Variants in TBC1D5 observed in about 807,000 individuals in gnomAD.
TBC1D5 encodes the protein TBC1 domain family, member 5.
In TBC1D5, 75 loss-of-function variants were observed where a neutral mutation model predicts 100.3. The observed-to-expected ratio is 0.75, with a 90% CI of 0.62 to 0.91. The LOEUF is 0.91. Among genes scored for constraint, TBC1D5 ranks in the 40% least tolerant of loss-of-function variants. The pLI is 0.00. For missense variants in TBC1D5, 910 were observed against 942.4 expected, an observed-to-expected ratio of 0.97 and a Z score of 0.45; for synonymous variants, 323 against 325.6, an observed-to-expected ratio of 0.99 and a Z score of 0.09.
chr3:17,464,531 C>A (rs1355940308), intron 3 of TBC1D5, among the ~76,000 whole-genome samples: 4 of 152,074 alleles, frequency 2.6e-5, no homozygotes, highest in African/African-American at 9.7e-5. Context: ...TTGATTCCTT[C>A]GTGTTTCAAC....
intron 3 of TBC1D5, among the ~76,000 whole-genome samples, chr3:17,484,750 G>T (rs1222081981): frequency 6.6e-6 from 1 of 151,958 alleles, no homozygotes; most frequent in Non-Finnish European, 1.5e-5. Flanking sequence ...TCCCAAAATA[G>T]TAGGATTACA....
At position 17,374,688 on chromosome 3, in the gene TBC1D5, A is replaced by G; in HGVS notation, c.702-9T>C. ...CAGTTTTCATTTCCTCACTTAAAAA[A>G]GCAATACAAGCAATCAAAATGTGTA... On this transcript the variant is annotated splice_polypyrimidine_tract_variant and intron_variant, in intron 10 of 21. Coordinates refer to ENST00000253692, the Ensembl canonical transcript of TBC1D5. The G allele has an allele frequency of 6.2e-7, 1 of 1,609,206 alleles. No individual in the cohort carries two copies. The highest frequency in any genetic ancestry group is 1.3e-5 in the African/African-American group (1 of 74,846).
At chr3:17,534,166 A>G (rs1044109136) in intron 2 of TBC1D5, among the ~76,000 whole-genome samples, 2 of 152,202 alleles carry the variant, frequency 1.3e-5, no homozygotes, top group African/African-American at 4.8e-5. Flanking sequence ...ACAGTTATAC[A>G]GAATAACATC....
At chr3:17,491,409 C>T (rs934995292) in intron 3 of TBC1D5, among the ~76,000 whole-genome samples, 9 of 152,092 alleles carry the variant, frequency 5.9e-5, no homozygotes, top group Admixed American at 3.3e-4. Context: ...GGGAATGTTT[C>T]CAGCTTTTGC....
chr3:17,596,700 CAAAAAAAAAAAA>C lies in TBC1D5; in HGVS notation c.-36+27137_-36+27148del, dbSNP rs34625799. Among the ~76,000 whole-genome samples the C allele has an allele frequency of 6.5e-4, 29 of 44,940 alleles. 1 individual carries two copies. Among genetic ancestry groups the C allele is most frequent in the African/African-American group, 1.9e-3 (25 of 13,278 alleles). 29.5% of individuals were successfully genotyped at this position (44,940 alleles called of 152,430 possible). On this transcript the variant is annotated intron_variant, in intron 2 of 21. Transcript: ENST00000253692. ...CAGGCAACAATGAGAGACTCCATCT[CAAAAAAAAAAAA>C]AAAAAAAAAGAATAAAAGCTTACAT...
intron 17 of TBC1D5, among the ~76,000 whole-genome samples, chr3:17,217,638 C>A (rs2073811510): frequency 2.0e-5 from 3 of 152,066 alleles, no homozygotes; most frequent in Non-Finnish European, 4.4e-5. Context: ...TGCTTAGCAT[C>A]TTTTCAGGTG....
chr3:17,243,298 A>C (rs1477590204), intron 16 of TBC1D5, among the ~76,000 whole-genome samples: 2 of 152,182 alleles, frequency 1.3e-5, no homozygotes, highest in African/African-American at 4.8e-5. Flanking sequence ...TGAAGAATGA[A>C]AATATGTGCT....
chr3:17,665,711 T>C (rs1035145394), intron 1 of TBC1D5, among the ~76,000 whole-genome samples: 2 of 152,192 alleles, frequency 1.3e-5, no homozygotes, highest in Non-Finnish European at 2.9e-5. Context: ...CTAAGATAAT[T>C]ATTTTACATT....
At chr3:17,579,668 A>G (rs1013180893) in intron 2 of TBC1D5, among the ~76,000 whole-genome samples, 3 of 152,180 alleles carry the variant, frequency 2.0e-5, no homozygotes, top group Admixed American at 6.5e-5. Context: ...GACCAAAAAA[A>G]AAGAATTTTC....
chr3:17,568,270 G>T (rs1466951445), intron 2 of TBC1D5, among the ~76,000 whole-genome samples: 1 of 151,182 alleles, frequency 6.6e-6, no homozygotes, highest in Non-Finnish European at 1.5e-5. Context: ...TGCTAGAAAG[G>T]TATATATTAC....
Position 17,403,166 on chromosome 3 carries a change from A to C in TBC1D5, c.509+15T>G, listed in dbSNP as rs2093688067. The C allele has an allele frequency of 1.9e-6, 3 of 1,557,672 alleles. No individual in the cohort carries two copies. Among genetic ancestry groups the C allele is most frequent in the Non-Finnish European group, 2.6e-6 (3 of 1,147,364 alleles). On this transcript the variant is annotated intron_variant, in intron 8 of 21. Transcript: ENST00000253692. ...TTTGAATTATTGAAAGTAACATGTA[A>C]ATAGTTCTACATACGTTCTTTTGAC...
At chr3:17,270,019 G>A (rs935644358) in intron 15 of TBC1D5, among the ~76,000 whole-genome samples, 5 of 152,240 alleles carry the variant, frequency 3.3e-5, no homozygotes, top group Admixed American at 2.6e-4. Context: ...CCAGTAATGC[G>A]ATTGCTGGGT....
At chr3:17,221,462 T>C (rs767724291) in intron 17 of TBC1D5, among the ~76,000 whole-genome samples, 4 of 151,872 alleles carry the variant, frequency 2.6e-5, no homozygotes, top group Non-Finnish European at 5.9e-5. Context: ...CAGTCCCCAG[T>C]GTGTGATGTT....
chr3:17,550,086 C>G (rs2096459363), intron 2 of TBC1D5, among the ~76,000 whole-genome samples: 1 of 151,932 alleles, frequency 6.6e-6, no homozygotes, highest in African/African-American at 2.4e-5. Flanking sequence ...TCCTGTAAAA[C>G]AATTTAATAT....
chr3:17,375,856 T>C (rs1460917275), intron 10 of TBC1D5, among the ~76,000 whole-genome samples: 1 of 152,176 alleles, frequency 6.6e-6, no homozygotes, highest in Non-Finnish European at 1.5e-5. Flanking sequence ...AAGTTTTCTG[T>C]TTACTGCATA....
intron 1 of TBC1D5, among the ~76,000 whole-genome samples, chr3:17,723,255 C>T (rs536212494): frequency 7.9e-5 from 12 of 152,194 alleles, no homozygotes; most frequent in Admixed American, 1.3e-4. Flanking sequence ...TTTCACACTG[C>T]ATGCTTGAAC....
intron 18 of TBC1D5, among the ~76,000 whole-genome samples, chr3:17,209,223 C>T (rs142592066): frequency 5.9e-5 from 9 of 152,334 alleles, no homozygotes; most frequent in South Asian, 2.1e-4. Flanking sequence ...TCACTGCTCA[C>T]GCAGACTTGA....
chr3:17,356,769 G>C (rs1310932569), intron 13 of TBC1D5, among the ~76,000 whole-genome samples: 1 of 152,148 alleles, frequency 6.6e-6, no homozygotes, highest in Non-Finnish European at 1.5e-5. Context: ...GGATCAGTCA[G>C]GTAGCTATGG....
At chr3:17,606,410 G>A (rs541058010) in intron 2 of TBC1D5, among the ~76,000 whole-genome samples, 57 of 152,114 alleles carry the variant, frequency 3.7e-4, no homozygotes, top group Non-Finnish European at 7.8e-4. Context: ...TGATTGCACT[G>A]CACTCCAGTC....
Sources: allele counts gnomAD v4.1 joint callset (sites outside exome capture counted in the v4.1 genomes callset), GRCh38; gene constraint gnomAD v4.1.1; transcripts MANE v1.5; gene names NCBI Gene and HGNC (gene_info 2026-07-23, HGNC 2026-07-21).